Variants in SLC8B1 observed in about 807,000 individuals in gnomAD.
SLC8B1 encodes the protein mitochondrial sodium/calcium exchanger protein.
In SLC8B1, 52 loss-of-function variants were observed where a neutral mutation model predicts 63.4. The observed-to-expected ratio is 0.82, with a 90% CI of 0.66 to 1.03. SLC8B1 has a LOEUF of 1.03. SLC8B1 is among the 50% of genes least tolerant of loss of function. The pLI, the probability that SLC8B1 is intolerant of heterozygous loss-of-function variation, is 0.00. For synonymous variants in SLC8B1, 336 were observed against 323.9 expected (o/e 1.04, Z -0.40); for missense variants, 657 against 741.7 (o/e 0.89, Z 1.33).
At chr12:113,313,421 C>G (rs1039867539) in intron 11 of SLC8B1, among the ~76,000 whole-genome samples, 1 of 151,416 alleles carries the variant, frequency 6.6e-6, no homozygotes, top group Non-Finnish European at 1.5e-5. Flanking sequence ...CCAGCCTGGA[C>G]AATACAACGA....
intron 1 of SLC8B1, among the ~76,000 whole-genome samples, chr12:113,333,668 A>T: frequency 7.2e-6 from 1 of 138,622 alleles, no homozygotes; most frequent in South Asian, 2.6e-4. Flanking sequence ...CCCCCACCCC[A>T]CCCTGCACAG....
In SLC8B1 at chr12:113,322,461, A is replaced by G. The variant is rs1442287117; in HGVS notation, c.157-1113T>C. Among the ~76,000 whole-genome samples, 10 of 152,218 alleles carry G rather than the reference A, an allele frequency of 6.6e-5. No individual in the cohort carries two copies. The East Asian group carries it at 9.6e-4, about 15-fold the overall frequency. ...GCATTTGGGTATGCCTAGTTTTTCA[A>G]TATAGCCAATGAGCTTCCTCACACA... On this transcript the variant is annotated intron_variant, in intron 2 of 15. Coordinates refer to ENST00000680972, the MANE Select transcript of SLC8B1 (RefSeq NM_001358345.2).
At position 113,319,788 on chromosome 12, in the gene SLC8B1, T is replaced by C. The variant is rs1486575258; in HGVS notation, c.694+543A>G. 2.6e-5 allele frequency among the ~76,000 whole-genome samples: 4 copies of C among 152,148 alleles called. No individual in the cohort carries two copies. The East Asian group carries it at 5.8e-4, about 22-fold the overall frequency. On this transcript the variant is annotated intron_variant, in intron 7 of 15. Coordinates refer to ENST00000680972, the MANE Select transcript of SLC8B1 (RefSeq NM_001358345.2). ...TTTACTGCTTGTTAAAATTGGAAAT[T>C]ATGAAACTTTCTTTTTTTTGAGACA... is the stretch of plus-strand genomic sequence containing the variant.
intron 2 of SLC8B1, among the ~76,000 whole-genome samples, chr12:113,331,858 T>C (rs1957059292): frequency 6.6e-6 from 1 of 152,218 alleles, no homozygotes; most frequent in Non-Finnish European, 1.5e-5. Context: ...AAACCTTCCA[T>C]TGGCTCCCCA....
chr12:113,316,520 T>C lies in SLC8B1; in HGVS notation c.993+6A>G. ...GGCTGTGAGCCTGGCTCCAGGACCC[T>C]CCTACCTTGAACACCTTGAGGGCTT... On this transcript the variant is annotated splice_donor_region_variant and intron_variant, in intron 10 of 15. Transcript: ENST00000680972. 1.2e-6 allele frequency: 2 copies of C among 1,613,534 alleles called. 1 individual carries two copies.
intron 2 of SLC8B1, among the ~76,000 whole-genome samples, chr12:113,329,392 GC>G (rs929473965): frequency 7.2e-5 from 11 of 152,284 alleles, no homozygotes; most frequent in African/African-American, 2.4e-4. Flanking sequence ...CTATCTTCCT[GC>G]CCTCCCTCCT....
At chr12:113,322,462 T>A (rs1339649444) in intron 2 of SLC8B1, among the ~76,000 whole-genome samples, 1 of 152,166 alleles carries the variant, frequency 6.6e-6, no homozygotes, top group Non-Finnish European at 1.5e-5. Flanking sequence ...AGTTTTTCAA[T>A]ATAGCCAATG....
Position 113,321,274 on chromosome 12 carries a change from A to C in SLC8B1, c.231T>G (p.Asp77Glu), listed in dbSNP as rs769939228. ...CTTCCAGGTAGTCCAGGTACCCCCC[A>C]TCACTGTGGCAGTCAGGGTTGGTCC... is the stretch of plus-strand genomic sequence containing the variant. ...FIRTNPDCHS[D>E]GGYLDYLEGI... Residue 77 changes from aspartate to glutamate, a missense_variant, in exon 3 of 16, where the codon GAT becomes GAG. Physicochemically the swap from Asp to Glu is conservative, Grantham distance 45. Transcript: ENST00000680972. 5.6e-6 allele frequency: 9 copies of C among 1,614,146 alleles called. No homozygotes were observed. The highest frequency in any genetic ancestry group is 5.1e-6 in the Non-Finnish European group (6 of 1,180,030).
chr12:113,313,843 C>T (rs1367605079), intron 11 of SLC8B1, among the ~76,000 whole-genome samples: 1 of 151,848 alleles, frequency 6.6e-6, no homozygotes, highest in African/African-American at 2.4e-5. Flanking sequence ...TTTTAAGAAG[C>T]CACAACAAAT....
Position 113,316,616 on chromosome 12 carries a change from C to A in SLC8B1, c.903G>T (p.Thr301=). The part of the protein sequence containing the change: ...YRPLFFYQET[T]AQILVRALNP... Reference sequence around the variant, plus strand: ...TGAGGGCCCGGACCAGGATCTGAGCCGTGGTCTCCTGGTAGAAGAACAGCG... The same window carrying A: ...TGAGGGCCCGGACCAGGATCTGAGCAGTGGTCTCCTGGTAGAAGAACAGCG... The change falls in exon 10 of 16, where the codon ACG becomes ACT. Residue 301 remains threonine (T), a synonymous_variant. Transcript: ENST00000680972. 1 of 1,614,098 alleles carries A rather than the reference C, an allele frequency of 6.2e-7. No individual in the cohort carries two copies. Among genetic ancestry groups the A allele is most frequent in the South Asian group, 1.1e-5 (1 of 91,072 alleles).
rs189280198 is a variant in SLC8B1, at chr12:113,305,104, C to T, written c.1493-719G>A. Among the ~76,000 whole-genome samples the T allele has an allele frequency of 3.7e-4, 56 of 152,200 alleles. No homozygotes were observed. Among genetic ancestry groups the T allele is most frequent in the African/African-American group, 1.2e-3 (48 of 41,518 alleles). ...GTAAGCACTCAGTAGGTGGGGAAAC[C>T]GAGGCCAGGAGAGATGAAGGGACTG... On this transcript the variant is annotated intron_variant, in intron 14 of 15. Coordinates refer to ENST00000680972, the MANE Select transcript of SLC8B1 (RefSeq NM_001358345.2). This position sits in a 1 kb window ranked among gnomAD's most constrained non-coding sequence, Gnocchi z 4.3.
chr12:113,320,992 T>A lies in SLC8B1; in HGVS notation c.362+64A>T. 4.4e-6 allele frequency: 7 copies of A among 1,593,162 alleles called. No individual in the cohort carries two copies. The South Asian group carries it at 7.9e-5, about 18-fold the overall frequency. ...TTCCCCCAAACTGAGGGTGACCGAA[T>A]GTCAGCCTCCTGGGACCCCTCCTCC... On this transcript the variant is annotated intron_variant, in intron 4 of 15. Coordinates refer to ENST00000680972, the MANE Select transcript of SLC8B1 (RefSeq NM_001358345.2). The surrounding 1 kb of genome is among the most constrained non-coding windows in gnomAD (Gnocchi z 5.3).
At chr12:113,329,326 G>A (rs982317588) in intron 2 of SLC8B1, among the ~76,000 whole-genome samples, 18 of 152,168 alleles carry the variant, frequency 1.2e-4, no homozygotes. Context: ...ACTCGCTGAA[G>A]CTCCTGAGGA....
rs1177146076 is a variant in SLC8B1, at chr12:113,334,491, C to T, written c.-131G>A. On this transcript the variant is annotated 5_prime_UTR_variant, in exon 1 of 16. Transcript: ENST00000680972. Reference sequence around the variant, plus strand: ...TCCTCTTCTATGGTTCTCCCGAACCCCTCCAACTGGAGTCCGAGTTACTCT... The same window carrying T: ...TCCTCTTCTATGGTTCTCCCGAACCTCTCCAACTGGAGTCCGAGTTACTCT... 1 of 152,128 alleles carries T rather than the reference C, an allele frequency of 6.6e-6. No individual in the cohort carries two copies. Among genetic ancestry groups the T allele is most frequent in the Admixed American group, 6.5e-5 (1 of 15,270 alleles). The allele number at this position is 152,128 out of a possible 1,614,324, so 9.4% of individuals were successfully genotyped here.
chr12:113,299,577 G>A lies in SLC8B1; in HGVS notation c.*200C>T, dbSNP rs147337159. On this transcript the variant is annotated 3_prime_UTR_variant, in exon 16 of 16. Transcript: ENST00000680972. ...AAAGCCAGGTTTCCAAGGTCCCCACGGCAAGGCTGTTGGGTGCTGGCAGCA... is the reference window on the plus strand; with the variant it reads ...AAAGCCAGGTTTCCAAGGTCCCCACAGCAAGGCTGTTGGGTGCTGGCAGCA... The A allele has an allele frequency of 0.012, 6,990 of 593,306 alleles. 78 individuals carry two copies. Among genetic ancestry groups the A allele is most frequent in the South Asian group, 0.015 (779 of 51,280 alleles). 36.8% of individuals were successfully genotyped at this position (593,306 alleles called of 1,614,324 possible).
chr12:113,320,472 C>T lies in SLC8B1; in HGVS notation c.553G>A (p.Val185Met). 1 of 1,614,140 alleles carries T rather than the reference C, an allele frequency of 6.2e-7. No homozygotes were observed. Among genetic ancestry groups the T allele is most frequent in the Non-Finnish European group, 8.5e-7 (1 of 1,180,024 alleles). ...FGAGVLVTTVVAGGITILHPF... is the reference protein window; with the variant it reads ...FGAGVLVTTVMAGGITILHPF... ...TGTAGGATGGTAATGCCTCCGGCCA[C>T]CACTGTGGTAACCAGCACGCCAGCG... Residue 185 changes from valine (V) to methionine (M), a missense_variant, in exon 7 of 16, where the codon GTG (valine) becomes ATG (methionine). Coordinates refer to ENST00000680972, the MANE Select transcript of SLC8B1 (RefSeq NM_001358345.2). The surrounding 1 kb of genome is among the most constrained non-coding windows in gnomAD (Gnocchi z 5.3).
chr12:113,330,480 G>A (rs1175901602), intron 2 of SLC8B1, among the ~76,000 whole-genome samples: 2 of 152,152 alleles, frequency 1.3e-5, no homozygotes. Flanking sequence ...CTGAACCTTG[G>A]AGTCTTCATC....
At chr12:113,304,774 TA>T (rs1956649412) in intron 14 of SLC8B1, among the ~76,000 whole-genome samples, 1 of 152,172 alleles carries the variant, frequency 6.6e-6, no homozygotes, top group Non-Finnish European at 1.5e-5. Context: ...GCTAATTTTT[TA>T]ATTTTTCTGT....
intron 15 of SLC8B1, 37 bp from the exon 16 acceptor site, chr12:113,300,011 C>T (rs1165062801): frequency 6.3e-7 from 1 of 1,594,946 alleles, no homozygotes; most frequent in South Asian, 1.1e-5. Flanking sequence ...TGAGTCACTG[C>T]CCGTCACAGG....
Sources: gnomAD v4.1 joint callset for allele counts (sites outside exome capture counted in the v4.1 genomes callset) on GRCh38, gnomAD v4.1.1 for gene constraint, Gnocchi (gnomAD v3.1) non-coding constraint, MANE v1.5 for transcripts, NCBI Gene and HGNC (gene_info 2026-07-23, HGNC 2026-07-21) for gene names.